The following NELL2 variants were observed in gnomAD, a reference collection of about 807,000 sequenced individuals.
NELL2 encodes the protein protein kinase C-binding protein NELL2.
In NELL2, 41 loss-of-function variants were observed where a neutral mutation model predicts 109.6. The ratio of observed to expected loss-of-function variants is 0.37; its 90% confidence interval spans 0.29 to 0.49. The LOEUF is 0.49. Ranked by LOEUF, NELL2 falls within the 20% of genes least tolerant of loss-of-function variation. The probability of loss-of-function intolerance (pLI) is 0.98; values close to 1 mark genes in which losing one functional copy is unlikely to be tolerated. For synonymous variants in NELL2, 355 were observed against 344.7 expected, an observed-to-expected ratio of 1.03 and a Z score of -0.33; for missense variants, 900 against 1,008.3, an observed-to-expected ratio of 0.89 and a Z score of 1.45.
At chr12:44,781,513 A>G (rs757190041) in intron 3 of NELL2, among the ~76,000 whole-genome samples, 2 of 152,142 alleles carry the variant, frequency 1.3e-5, no homozygotes, top group Admixed American at 6.6e-5. Flanking sequence ...AAATTTGGCA[A>G]GAGATATAAA....
In NELL2 at chr12:44,522,194, A is replaced by G. The variant is rs769137641; in HGVS notation, c.1999-18T>C. On this transcript the variant is annotated intron_variant, in intron 17 of 19. Coordinates refer to ENST00000429094, the MANE Select transcript of NELL2 (RefSeq NM_001145108.2). Reference sequence around the variant, plus strand: ...AATCCATTCTGTATGAAAAAGAAAAAAAGCAGTTACCAAAAACCTCCATTT... The same window carrying G: ...AATCCATTCTGTATGAAAAAGAAAAGAAGCAGTTACCAAAAACCTCCATTT... 9.9e-6 allele frequency: 16 copies of G among 1,608,566 alleles called. No individual in the cohort carries two copies. The highest frequency in any genetic ancestry group is 1.4e-5 in the Non-Finnish European group (16 of 1,177,416).
At chr12:44,616,101 A>G (rs1407520353) in intron 13 of NELL2, among the ~76,000 whole-genome samples, 1 of 152,106 alleles carries the variant, frequency 6.6e-6, no homozygotes, top group Non-Finnish European at 1.5e-5. Context: ...GTGCTGGATA[A>G]TTATGCTTCA....
chr12:44,561,171 A>C (rs112429953), intron 15 of NELL2, among the ~76,000 whole-genome samples: 3 of 152,208 alleles, frequency 2.0e-5, no homozygotes, highest in Non-Finnish European at 4.4e-5. Flanking sequence ...GAATTGATGG[A>C]ATGTATCTCA....
At position 44,579,879 on chromosome 12, in the gene NELL2, A is replaced by C. The variant is rs369307783; in HGVS notation, c.1663+27290T>G. ...CTAAGATGTGGAATATCTGTCATAC[A>C]TATTTCAATGGCTTTCTGAGAGAGT... On this transcript the variant is annotated intron_variant, in intron 15 of 19. Transcript: ENST00000429094. Among the ~76,000 whole-genome samples, 8 of 152,330 alleles carry C rather than the reference A, an allele frequency of 5.3e-5. No individual in the cohort carries two copies. The South Asian group carries it at 1.7e-3, about 32-fold the overall frequency.
At chr12:44,697,828 C>T (rs993926883) in intron 12 of NELL2, among the ~76,000 whole-genome samples, 1 of 152,074 alleles carries the variant, frequency 6.6e-6, no homozygotes, top group African/African-American at 2.4e-5. Flanking sequence ...AATAAAGTAC[C>T]ACAAACTGGG....
intron 15 of NELL2, among the ~76,000 whole-genome samples, chr12:44,538,682 AG>A (rs1409000396): frequency 6.6e-6 from 1 of 152,160 alleles, no homozygotes; most frequent in Non-Finnish European, 1.5e-5. Context: ...ATAAAGAAAA[AG>A]GTTATAAACA....
rs755170723 is a variant in NELL2, at chr12:44,644,311, G to A, written c.1444+21173C>T. On this transcript the variant is annotated intron_variant, in intron 13 of 19. Coordinates refer to ENST00000429094, the MANE Select transcript of NELL2 (RefSeq NM_001145108.2). ...AGTTCACAGTGTGGCATGTAATTGA[G>A]TTGAATTTTGTATAATAAATCTGAG... 3.5e-4 allele frequency among the ~76,000 whole-genome samples: 53 copies of A among 152,000 alleles called. 1 individual carries two copies. The highest frequency in any genetic ancestry group is 3.2e-3 in the Middle Eastern group (1 of 316).
intron 15 of NELL2, among the ~76,000 whole-genome samples, chr12:44,573,513 A>G (rs1943949246): frequency 1.3e-5 from 2 of 152,244 alleles, no homozygotes; most frequent in African/African-American, 4.8e-5. Context: ...AAAAGCAACA[A>G]AAAACCCACT....
intron 12 of NELL2, among the ~76,000 whole-genome samples, chr12:44,675,524 A>T (rs896453734): frequency 2.0e-5 from 3 of 152,158 alleles, no homozygotes; most frequent in Non-Finnish European, 4.4e-5. Flanking sequence ...TACATTTATA[A>T]ATTCCCTTTT....
At chr12:44,612,406 A>C (rs1824285943) in intron 13 of NELL2, among the ~76,000 whole-genome samples, 1 of 151,986 alleles carries the variant, frequency 6.6e-6, no homozygotes, top group Non-Finnish European at 1.5e-5. Flanking sequence ...CCAAGGTTCT[A>C]GAACTGCACA....
At chr12:44,876,905 T>G, upstream of NELL2, 21 of 1,235,074 alleles carry the variant, frequency 1.7e-5, no homozygotes, top group Admixed American at 1.1e-4. Flanking sequence ...GGTGGAGAGG[T>G]TCCCTGCCGG....
At chr12:44,547,490 T>G (rs1565905509) in intron 15 of NELL2, among the ~76,000 whole-genome samples, 1 of 152,258 alleles carries the variant, frequency 6.6e-6, no homozygotes, top group African/African-American at 2.4e-5. Context: ...TGCATCTTAC[T>G]CATGAATAAG....
At chr12:44,643,361 G>A (rs1946931226) in intron 13 of NELL2, among the ~76,000 whole-genome samples, 1 of 152,044 alleles carries the variant, frequency 6.6e-6, no homozygotes, top group Non-Finnish European at 1.5e-5. Context: ...ATTCATACAA[G>A]TTGATCATTT....
intron 2 of NELL2, among the ~76,000 whole-genome samples, chr12:44,838,467 T>G (rs1432419376): frequency 6.6e-6 from 1 of 152,216 alleles, no homozygotes; most frequent in Non-Finnish European, 1.5e-5. Flanking sequence ...TTCCATCATT[T>G]TCTAGTTTAA....
rs114657933 is a variant in NELL2 at position 44,632,574 on chromosome 12, T to C, written c.1445-21604A>G. Among the ~76,000 whole-genome samples, 106 of 152,160 alleles carry C rather than the reference T, an allele frequency of 7.0e-4. 1 individual carries two copies. The highest frequency in any genetic ancestry group is 2.4e-3 in the African/African-American group (101 of 41,538). ...AACATAAATAAAGCATCTGGAACCA[T>C]GTCTGACATACTTGAGGCACTCTTT... On this transcript the variant is annotated intron_variant, in intron 13 of 19. Coordinates refer to ENST00000429094, the MANE Select transcript of NELL2 (RefSeq NM_001145108.2).
intron 1 of NELL2, among the ~76,000 whole-genome samples, chr12:44,882,422 A>G (rs1370644438): frequency 1.3e-5 from 2 of 151,480 alleles, no homozygotes; most frequent in Non-Finnish European, 2.9e-5. Context: ...ATATGTTGAA[A>G]GTATACATAC....
chr12:44,891,835 T>C (rs1193357457), intron 1 of NELL2, among the ~76,000 whole-genome samples: 1 of 152,208 alleles, frequency 6.6e-6, no homozygotes, highest in Non-Finnish European at 1.5e-5. Context: ...TCCTCTTATT[T>C]AATTGGGTAG....
chr12:44,743,515 TAG>T, intron 9 of NELL2, among the ~76,000 whole-genome samples: 1 of 152,032 alleles, frequency 6.6e-6, no homozygotes, highest in African/African-American at 2.4e-5. Context: ...GCAAATTGGA[TAG>T]AGTCAAGACC....
chr12:44,836,431 C>G (rs12228073), intron 2 of NELL2, among the ~76,000 whole-genome samples: 10 of 152,152 alleles, frequency 6.6e-5, no homozygotes, highest in Non-Finnish European at 1.2e-4. Context: ...AAACTTCCCA[C>G]GTAGAACCCC....
Sources: gnomAD v4.1 joint callset for allele counts (sites outside exome capture counted in the v4.1 genomes callset) on GRCh38, gnomAD v4.1.1 for gene constraint, MANE v1.5 for transcripts, NCBI Gene and HGNC (gene_info 2026-07-23, HGNC 2026-07-21) for gene names.